WDR7: variants seen among roughly 807,000 people sequenced by gnomAD.
WDR7 encodes the protein WD repeat domain 7, also known as WD repeat-containing protein 7.
In WDR7, 46 loss-of-function variants were observed where a neutral mutation model predicts 169.4. The observed-to-expected ratio is 0.27, with a 90% CI of 0.21 to 0.35. WDR7 has a LOEUF of 0.35. Among genes scored for constraint, WDR7 ranks in the 10% least tolerant of loss-of-function variants. WDR7 has a pLI of 1.00. For missense variants in WDR7, 1,534 were observed against 1,859.3 expected (o/e 0.83, Z 3.22); for synonymous variants, 612 against 666.8 (o/e 0.92, Z 1.27).
At chr18:57,005,883 T>C (rs1259080876) in intron 26 of WDR7, among the ~76,000 whole-genome samples, 1 of 152,224 alleles carries the variant, frequency 6.6e-6, no homozygotes, top group African/African-American at 2.4e-5. Context: ...AAAGCCATCC[T>C]GGGCCGCATG....
chr18:56,941,977 A>G (rs1246033776), intron 25 of WDR7, among the ~76,000 whole-genome samples: 2 of 152,148 alleles, frequency 1.3e-5, no homozygotes, highest in African/African-American at 4.8e-5. Flanking sequence ...AACTAGAATA[A>G]GTGGGTAAAT....
At chr18:56,888,513 C>T (rs189383735) in intron 21 of WDR7, among the ~76,000 whole-genome samples, 1 of 152,234 alleles carries the variant, frequency 6.6e-6, no homozygotes, top group Non-Finnish European at 1.5e-5. Flanking sequence ...TCCTTCATCA[C>T]CTTCCGATTT....
chr18:56,692,505 A>G (rs1296320325), intron 9 of WDR7, among the ~76,000 whole-genome samples: 1 of 143,700 alleles, frequency 7.0e-6, no homozygotes, highest in Non-Finnish European at 1.5e-5. Flanking sequence ...ATTACGTCTC[A>G]CGTTTATGTG....
At chr18:56,694,493 C>A in intron 9 of WDR7, 126 bp from the exon 10 acceptor site, 1 of 813,670 alleles carries the variant, frequency 1.2e-6, no homozygotes, top group Non-Finnish European at 1.9e-6. Flanking sequence ...AATAATCATG[C>A]TATAAACACT....
intron 27 of WDR7, 21 bp from the exon 28 acceptor site, chr18:57,026,983 T>C: frequency 1.2e-6 from 2 of 1,608,134 alleles, no homozygotes; most frequent in Non-Finnish European, 1.7e-6. Flanking sequence ...AAGTGACACA[T>C]GTGCTCTCCT....
intron 26 of WDR7, among the ~76,000 whole-genome samples, chr18:57,007,834 A>C (rs1358819406): frequency 6.6e-6 from 1 of 151,206 alleles, no homozygotes; most frequent in African/African-American, 2.4e-5. Context: ...TGGTCTTTTC[A>C]CTCTATCTAC....
At chr18:56,888,253 A>G (rs1221983386) in intron 21 of WDR7, among the ~76,000 whole-genome samples, 1 of 152,212 alleles carries the variant, frequency 6.6e-6, no homozygotes, top group Admixed American at 6.5e-5. Flanking sequence ...TGAATCTTTT[A>G]TGGGAGTTAC....
In WDR7 at chr18:56,720,955, A is replaced by G. The variant is rs564903796; in HGVS notation, c.1774+2796A>G. ...ATTGTTTTTTTCCTCCTTGCTGTTC[A>G]TGCTGTAGCTAGTGATACAAAGTTC... On this transcript the variant is annotated intron_variant, in intron 13 of 27. Coordinates refer to ENST00000254442, the MANE Select transcript of WDR7 (RefSeq NM_015285.3). 1.1e-4 allele frequency among the ~76,000 whole-genome samples: 16 copies of G among 152,208 alleles called. No homozygotes were observed. In the South Asian group the frequency reaches 2.3e-3, roughly 22 times the overall value.
At chr18:56,786,644 T>C (rs999178340) in intron 19 of WDR7, among the ~76,000 whole-genome samples, 5 of 152,094 alleles carry the variant, frequency 3.3e-5, no homozygotes, top group African/African-American at 1.2e-4. Flanking sequence ...AAATACTATT[T>C]TATCCTTTAA....
Position 56,736,333 on chromosome 18 carries a change from G to C in WDR7, c.1989+4736G>C, listed in dbSNP as rs140793323. 5.2e-3 allele frequency among the ~76,000 whole-genome samples: 789 copies of C among 152,134 alleles called. 4 individuals are homozygous for C. The highest frequency in any genetic ancestry group is 0.024 in the Middle Eastern group (7 of 294). ...GAATGAATTATACTTAGTACATTTT[G>C]ACAACTGGTAATGCATTGCAAAATC... On this transcript the variant is annotated intron_variant, in intron 14 of 27. Transcript: ENST00000254442.
chr18:56,659,143 A>C (rs2024846948), intron 1 of WDR7, among the ~76,000 whole-genome samples: 1 of 152,206 alleles, frequency 6.6e-6, no homozygotes, highest in Admixed American at 6.5e-5. Flanking sequence ...ATGTCACGAT[A>C]GACTAAAAGA....
chr18:56,850,039 C>T (rs115087748), intron 20 of WDR7, among the ~76,000 whole-genome samples: 1 of 152,100 alleles, frequency 6.6e-6, no homozygotes, highest in Non-Finnish European at 1.5e-5. Flanking sequence ...TGAATGTGGC[C>T]AAGTCTGTTC....
chr18:56,756,822 C>T lies in WDR7; in HGVS notation c.2229C>T (p.Phe743=), dbSNP rs192988490. 30 of 1,613,882 alleles carry T rather than the reference C, an allele frequency of 1.9e-5. No individual in the cohort carries two copies. In the African/African-American group the frequency reaches 3.9e-4, roughly 21 times the overall value. ...FLTGKRAAVL[F]QQVKETIKEN... Reference sequence around the variant, plus strand: ...CTGGAAAACGAGCAGCAGTTCTCTTCCAACAAGTGAAAGAAACGATCAAAG... The same window carrying T: ...CTGGAAAACGAGCAGCAGTTCTCTTTCAACAAGTGAAAGAAACGATCAAAG... The change falls in exon 15 of 28, where the codon TTC becomes TTT. Residue 743 remains phenylalanine, a synonymous_variant. Transcript: ENST00000254442.
chr18:56,945,828 A>G (rs977946441), intron 25 of WDR7, among the ~76,000 whole-genome samples: 12 of 152,164 alleles, frequency 7.9e-5, no homozygotes, highest in African/African-American at 2.4e-4. Context: ...ATCCAAAATC[A>G]AGAAAAACAA....
intron 7 of WDR7, among the ~76,000 whole-genome samples, chr18:56,689,534 A>G (rs2025519899): frequency 6.6e-6 from 1 of 152,234 alleles, no homozygotes; most frequent in Admixed American, 6.5e-5. Flanking sequence ...GGCTGGGATT[A>G]TAGGCATGAG....
intron 20 of WDR7, among the ~76,000 whole-genome samples, chr18:56,860,278 T>A (rs2045783980): frequency 6.6e-6 from 1 of 152,222 alleles, no homozygotes; most frequent in African/African-American, 2.4e-5. Context: ...AATCTCCATA[T>A]GATTTCCCTA....
intron 20 of WDR7, among the ~76,000 whole-genome samples, chr18:56,852,205 C>T (rs559577007): frequency 6.6e-6 from 1 of 152,286 alleles, no homozygotes; most frequent in Admixed American, 6.5e-5. Flanking sequence ...AATATTCAGA[C>T]AGATATCTCA....
At chr18:57,018,974 G>A (rs17751362) in intron 26 of WDR7, among the ~76,000 whole-genome samples, 35,863 of 152,030 alleles carry the variant, frequency 0.24, 4,681 homozygotes, top group Non-Finnish European at 0.29. Context: ...GGTTTCTTGC[G>A]CTAATTATGC....
intron 26 of WDR7, among the ~76,000 whole-genome samples, chr18:56,967,706 C>T (rs1423361480): frequency 6.6e-6 from 1 of 152,140 alleles, no homozygotes; most frequent in African/African-American, 2.4e-5. Flanking sequence ...TACAGTCATC[C>T]TTGGGTGGAG....
Sources: allele counts gnomAD v4.1 joint callset (sites outside exome capture counted in the v4.1 genomes callset), GRCh38; gene constraint gnomAD v4.1.1; transcripts MANE v1.5; gene names NCBI Gene and HGNC (gene_info 2026-07-23, HGNC 2026-07-21).